Variants in SH3PXD2B observed in about 807,000 individuals in gnomAD.
SH3PXD2B encodes SH3 and PX domain-containing protein 2B.
SH3PXD2B carries 37 observed loss-of-function variants against 73.1 expected under a neutral mutation model. The ratio of observed to expected loss-of-function variants is 0.51; its 90% CI spans 0.39 to 0.67. The LOEUF (loss-of-function observed/expected upper bound fraction) is 0.67, where lower values mean the gene tolerates loss of function less well. SH3PXD2B is among the 30% of genes least tolerant of loss of function. The pLI, the probability that SH3PXD2B is intolerant of heterozygous loss-of-function variation, is 0.00. For missense variants in SH3PXD2B, 1,053 were observed against 1,197.8 expected (o/e 0.88, Z 1.78); for synonymous variants, 457 against 480.5 (o/e 0.95, Z 0.64).
At chr5:172,451,774 G>A (rs1050620803) in intron 1 of SH3PXD2B, among the ~76,000 whole-genome samples, 1 of 152,324 alleles carries the variant, frequency 6.6e-6, no homozygotes, top group African/African-American at 2.4e-5. Flanking sequence ...TGTGTGAGGG[G>A]TTGGGGTGGA....
At chr5:172,402,746 G>A (rs374596849) in intron 3 of SH3PXD2B, among the ~76,000 whole-genome samples, 18 of 152,356 alleles carry the variant, frequency 1.2e-4, no homozygotes, top group African/African-American at 4.3e-4. Flanking sequence ...TGGGACAGCA[G>A]CCCCTAGCTC....
At chr5:172,449,895 C>T (rs1266626210) in intron 1 of SH3PXD2B, among the ~76,000 whole-genome samples, 3 of 152,194 alleles carry the variant, frequency 2.0e-5, no homozygotes, top group African/African-American at 7.2e-5. Flanking sequence ...GCATGTTCAT[C>T]AATGCCATAG....
intron 4 of SH3PXD2B, among the ~76,000 whole-genome samples, chr5:172,387,990 C>CT (rs1426929539): frequency 6.6e-6 from 1 of 152,038 alleles, no homozygotes; most frequent in Non-Finnish European, 1.5e-5. Context: ...GATAAGTTAT[C>CT]TTTTTTGTTT....
At chr5:172,423,173 A>G (rs1396774968) in intron 1 of SH3PXD2B, among the ~76,000 whole-genome samples, 1 of 152,136 alleles carries the variant, frequency 6.6e-6, no homozygotes, top group East Asian at 1.9e-4. Context: ...GCCCGGGCAA[A>G]CTGAGGTGAC....
chr5:172,423,253 C>CT (rs1243775280), intron 1 of SH3PXD2B, among the ~76,000 whole-genome samples: 2 of 152,182 alleles, frequency 1.3e-5, no homozygotes, highest in Non-Finnish European at 2.9e-5. Context: ...CACCTAAGGG[C>CT]TAAGGGATCA....
At chr5:172,332,123 G>A (rs376204508), downstream of SH3PXD2B, among the ~76,000 whole-genome samples, 6 of 152,234 alleles carry the variant, frequency 3.9e-5, no homozygotes, top group South Asian at 2.1e-4. Flanking sequence ...CCCATGAGGC[G>A]GATGCCCCTC....
intron 4 of SH3PXD2B, among the ~76,000 whole-genome samples, chr5:172,386,678 T>C (rs1435284058): frequency 6.6e-6 from 1 of 152,182 alleles, no homozygotes; most frequent in Non-Finnish European, 1.5e-5. Flanking sequence ...TGGCCCAGGC[T>C]GTAGCACGGG....
Position 172,335,416 on chromosome 5 carries a change from G to C in SH3PXD2B, c.*2953C>G. 8.3e-7 allele frequency: 1 copy of C among 1,212,072 alleles called. No individual in the cohort carries two copies. The allele number at this position is 1,212,072 out of a possible 1,614,324, so 75.1% of individuals were successfully genotyped here. On this transcript the variant is annotated 3_prime_UTR_variant, in exon 13 of 13. Transcript: ENST00000311601. ...TGGCAGAGAAAAGTCATGGACACGA[G>C]GGAAAGAACAACAACAACAAAACCA...
chr5:172,427,508 G>T (rs1759124063), intron 1 of SH3PXD2B, among the ~76,000 whole-genome samples: 1 of 152,102 alleles, frequency 6.6e-6, no homozygotes, highest in African/African-American at 2.4e-5. Context: ...ATTATGCCTG[G>T]TTAATTTTAT....
Position 172,339,234 on chromosome 5 carries a change from T to C in SH3PXD2B, c.1871A>G (p.Glu624Gly), listed in dbSNP as rs1561890845. Residue 624 changes from glutamate (E) to glycine (G), a missense_variant, in exon 13 of 13, where the codon GAG becomes GGG. By Grantham distance (98) the Glu-to-Gly change is moderately conservative (BLOSUM62 -2). Transcript: ENST00000311601. This position sits in a 1 kb window ranked among gnomAD's most constrained non-coding sequence, Gnocchi z 6.1. ...CTGGGGAGTGGCATCTGGCTTCTCC[T>C]CTGGCAGGTCAGTTTTGGATTTGGA... ...PISKSKTDLPEEKPDATPQNP... is the reference protein window; with the variant it reads ...PISKSKTDLPGEKPDATPQNP... 6.2e-7 allele frequency: 1 copy of C among 1,614,248 alleles called. No homozygotes were observed. The highest frequency in any genetic ancestry group is 1.7e-5 in the Admixed American group (1 of 60,034).
intron 8 of SH3PXD2B, among the ~76,000 whole-genome samples, chr5:172,354,350 G>A (rs1465321289): frequency 6.6e-6 from 1 of 152,166 alleles, no homozygotes; most frequent in African/African-American, 2.4e-5. Context: ...CCCATACTAG[G>A]AATTACCTTG....
chr5:172,352,378 C>T lies in SH3PXD2B; in HGVS notation c.785+1510G>A, dbSNP rs1433424464. On this transcript the variant is annotated intron_variant, in intron 9 of 12. Coordinates refer to ENST00000311601, the MANE Select transcript of SH3PXD2B (RefSeq NM_001017995.3). ...TAGCTGGGACTACAGGCGTGCATCA[C>T]CATGCCTGGCTAATTTAAAAGATTT... Among the ~76,000 whole-genome samples, 4 of 152,090 alleles carry T rather than the reference C, an allele frequency of 2.6e-5. No individual in the cohort carries two copies. In the East Asian group the frequency reaches 7.7e-4, roughly 29 times the overall value.
At chr5:172,414,147 C>T (rs748709524) in intron 2 of SH3PXD2B, among the ~76,000 whole-genome samples, 1 of 152,094 alleles carries the variant, frequency 6.6e-6, no homozygotes, top group East Asian at 1.9e-4. Context: ...CCAAGAGGGC[C>T]GAGGTGGAAG....
chr5:172,396,474 G>C (rs567490627), intron 3 of SH3PXD2B, among the ~76,000 whole-genome samples: 24 of 152,284 alleles, frequency 1.6e-4, no homozygotes, highest in Admixed American at 5.2e-4. Flanking sequence ...GATTTGCAAT[G>C]CAAAGTGGTA....
chr5:172,334,551 G>A lies in SH3PXD2B; in HGVS notation c.*3818C>T, dbSNP rs534737612. 1.0e-6 allele frequency: 1 copy of A among 985,468 alleles called. No homozygotes were observed. Among genetic ancestry groups the A allele is most frequent in the African/African-American group, 1.7e-5 (1 of 57,238 alleles). 61.0% of individuals were successfully genotyped at this position (985,468 alleles called of 1,614,324 possible). On this transcript the variant is annotated 3_prime_UTR_variant, in exon 13 of 13. Coordinates refer to ENST00000311601, the MANE Select transcript of SH3PXD2B (RefSeq NM_001017995.3). ...CAGCCACACATGGCTCAGGCTGTTA[G>A]GTGTCCACTGTCACAGTCCAAAGAG...
Position 172,433,913 on chromosome 5 carries a change from G to A in SH3PXD2B, c.76-11417C>T, listed in dbSNP as rs79044161. Among the ~76,000 whole-genome samples the A allele has an allele frequency of 2.0e-3, 306 of 152,234 alleles. 3 individuals are homozygous for A. Among genetic ancestry groups the A allele is most frequent in the African/African-American group, 7.0e-3 (292 of 41,534 alleles). ...GTTGCCCAACCCTTCACCTCCTCGCGGGGTCTAACTCCAGTCTAAGGGGAT... is the reference window on the plus strand; with the variant it reads ...GTTGCCCAACCCTTCACCTCCTCGCAGGGTCTAACTCCAGTCTAAGGGGAT... On this transcript the variant is annotated intron_variant, in intron 1 of 12. Coordinates refer to ENST00000311601, the MANE Select transcript of SH3PXD2B (RefSeq NM_001017995.3).
At chr5:172,407,703 G>T (rs567401202) in intron 2 of SH3PXD2B, among the ~76,000 whole-genome samples, 10 of 152,194 alleles carry the variant, frequency 6.6e-5, no homozygotes, top group African/African-American at 2.4e-4. Flanking sequence ...GAAAAGTCCA[G>T]GAGAAATACA....
chr5:172,396,788 A>C (rs1283880876), intron 3 of SH3PXD2B, among the ~76,000 whole-genome samples: 1 of 152,108 alleles, frequency 6.6e-6, no homozygotes, highest in African/African-American at 2.4e-5. Context: ...CTCTACTAAA[A>C]ATACAAAAAT....
chr5:172,372,025 C>T (rs1043198838), intron 6 of SH3PXD2B, among the ~76,000 whole-genome samples: 3 of 152,196 alleles, frequency 2.0e-5, no homozygotes, highest in African/African-American at 4.8e-5. Flanking sequence ...AGTTAATTCT[C>T]GACGCCATTC....
Sources: allele counts gnomAD v4.1 joint callset (sites outside exome capture counted in the v4.1 genomes callset), GRCh38; gene constraint gnomAD v4.1.1; non-coding constraint Gnocchi (gnomAD v3.1); transcripts MANE v1.5; gene names NCBI Gene and HGNC (gene_info 2026-07-23, HGNC 2026-07-21).